The following ARHGAP15 variants were observed in gnomAD, a reference collection of about 807,000 sequenced individuals.
ARHGAP15 encodes the protein rho GTPase-activating protein 15.
ARHGAP15 carries 51 observed loss-of-function variants against 63.7 expected under a neutral mutation model. The ratio of observed to expected loss-of-function variants is 0.80; its 90% CI spans 0.64 to 1.01. ARHGAP15 has a LOEUF of 1.01. Among genes scored for constraint, ARHGAP15 ranks in the 50% least tolerant of loss-of-function variants. The pLI is 0.00. For synonymous variants in ARHGAP15, 191 were observed against 193.8 expected (o/e 0.99, Z 0.12); for missense variants, 560 against 564.6 (o/e 0.99, Z 0.08).
At chr2:143,471,215 TACAC>T (rs1380937039) in intron 8 of ARHGAP15, among the ~76,000 whole-genome samples, 1 of 147,710 alleles carries the variant, frequency 6.8e-6, no homozygotes, top group South Asian at 2.1e-4. Flanking sequence ...TGTGTATATA[TACAC>T]ACACATGTGT....
intron 12 of ARHGAP15, among the ~76,000 whole-genome samples, chr2:143,667,784 G>C (rs184424013): frequency 6.6e-6 from 1 of 151,882 alleles, no homozygotes; most frequent in Non-Finnish European, 1.5e-5. Context: ...GAGCTCAGGA[G>C]TTTGAAACCA....
chr2:143,347,905 T>A (rs1261986954), intron 6 of ARHGAP15, among the ~76,000 whole-genome samples: 4 of 152,010 alleles, frequency 2.6e-5, no homozygotes, highest in Non-Finnish European at 5.9e-5. Flanking sequence ...TAGAATTTGA[T>A]TTTCCTCACG....
chr2:143,171,954 C>T (rs1372791738), intron 2 of ARHGAP15: 1 of 152,110 alleles, frequency 6.6e-6, no homozygotes, highest in African/African-American at 2.4e-5. Context: ...TCTCCACTCA[C>T]CATCTTTAGA....
intron 9 of ARHGAP15, among the ~76,000 whole-genome samples, chr2:143,491,638 T>C (rs1692584572): frequency 6.6e-6 from 1 of 152,184 alleles, no homozygotes; most frequent in South Asian, 2.1e-4. Flanking sequence ...TAGCCTCATC[T>C]TAGTTTTGCT....
At chr2:143,322,678 G>A (rs996343280) in intron 6 of ARHGAP15, among the ~76,000 whole-genome samples, 1 of 152,128 alleles carries the variant, frequency 6.6e-6, no homozygotes. Context: ...GCATTACCGT[G>A]GATAGAATGA....
At chr2:143,525,581 G>A (rs1444139760) in intron 10 of ARHGAP15, among the ~76,000 whole-genome samples, 1 of 151,958 alleles carries the variant, frequency 6.6e-6, no homozygotes, top group African/African-American at 2.4e-5. Context: ...TGGCTTTTCT[G>A]AGTTAAAATT....
chr2:143,456,313 CA>C (rs1371184180), intron 8 of ARHGAP15, among the ~76,000 whole-genome samples: 4 of 151,900 alleles, frequency 2.6e-5, no homozygotes, highest in Non-Finnish European at 5.9e-5. Flanking sequence ...AAATGGTAAA[CA>C]TATAAATGAC....
chr2:143,160,634 G>A (rs1194929226), intron 2 of ARHGAP15, among the ~76,000 whole-genome samples: 5 of 151,886 alleles, frequency 3.3e-5, no homozygotes, highest in African/African-American at 1.2e-4. Context: ...CATGAAATTC[G>A]AAGGTTTCCT....
At chr2:143,425,425 T>C (rs1689101165) in intron 6 of ARHGAP15, among the ~76,000 whole-genome samples, 1 of 151,914 alleles carries the variant, frequency 6.6e-6, no homozygotes, top group South Asian at 2.1e-4. Context: ...TATGTACATA[T>C]ATGATACGTA....
At chr2:143,625,489 C>T (rs770669051) in intron 12 of ARHGAP15, among the ~76,000 whole-genome samples, 1 of 151,952 alleles carries the variant, frequency 6.6e-6, no homozygotes, top group Non-Finnish European at 1.5e-5. Context: ...GCTGCTGCTG[C>T]TGTTGTTGAA....
At chr2:143,658,741 T>G (rs1336054441) in intron 12 of ARHGAP15, among the ~76,000 whole-genome samples, 2 of 152,316 alleles carry the variant, frequency 1.3e-5, no homozygotes, top group East Asian at 3.9e-4. Flanking sequence ...ATGTCCTTCC[T>G]CTGTCACTTC....
At chr2:143,503,987 G>A (rs1033040017) in intron 9 of ARHGAP15, among the ~76,000 whole-genome samples, 13 of 152,200 alleles carry the variant, frequency 8.5e-5, no homozygotes, top group African/African-American at 3.1e-4. Context: ...ACAAATTTGG[G>A]GAAATTACAC....
chr2:143,651,150 T>G (rs982884828), intron 12 of ARHGAP15, among the ~76,000 whole-genome samples: 3 of 152,016 alleles, frequency 2.0e-5, no homozygotes, highest in African/African-American at 7.2e-5. Context: ...TTTGCTATTG[T>G]TATGTGTTCA....
chr2:143,510,668 T>C (rs945803535), intron 9 of ARHGAP15, among the ~76,000 whole-genome samples: 11 of 152,246 alleles, frequency 7.2e-5, no homozygotes, highest in African/African-American at 2.7e-4. Context: ...GTTGTGTTTT[T>C]CCGTTGCTTG....
At chr2:143,570,120 G>T (rs940996406) in intron 11 of ARHGAP15, among the ~76,000 whole-genome samples, 3 of 152,088 alleles carry the variant, frequency 2.0e-5, no homozygotes, top group Non-Finnish European at 2.9e-5. Flanking sequence ...TACACCATAT[G>T]GAAGTTATAT....
intron 12 of ARHGAP15, among the ~76,000 whole-genome samples, chr2:143,656,833 A>G (rs958629356): frequency 1.3e-5 from 2 of 152,018 alleles, no homozygotes; most frequent in African/African-American, 4.8e-5. Context: ...TCTTCAGGAC[A>G]TTTAACTGGG....
chr2:143,314,489 G>A (rs1310516357), intron 6 of ARHGAP15: 3 of 152,230 alleles, frequency 2.0e-5, no homozygotes, highest in Non-Finnish European at 4.4e-5. Flanking sequence ...TTATCCCACA[G>A]GATTTGCTCA....
At chr2:143,161,442 T>G (rs1574029703) in intron 2 of ARHGAP15, among the ~76,000 whole-genome samples, 3 of 151,582 alleles carry the variant, frequency 2.0e-5, no homozygotes, top group African/African-American at 7.3e-5. Context: ...AGTTTGTTAA[T>G]TTTTTTTTAA....
chr2:143,634,271 A>C (rs1356537271), intron 12 of ARHGAP15, among the ~76,000 whole-genome samples: 2 of 152,060 alleles, frequency 1.3e-5, no homozygotes, highest in Non-Finnish European at 2.9e-5. Context: ...TCAAGTCCTC[A>C]GGGAAGTCTC....
Sources: allele counts gnomAD v4.1 joint callset (sites outside exome capture counted in the v4.1 genomes callset), GRCh38; gene constraint gnomAD v4.1.1; transcripts MANE v1.5; gene names NCBI Gene and HGNC (gene_info 2026-07-23, HGNC 2026-07-21).